Variants in MAGI2 observed in about 807,000 individuals in gnomAD.
The protein encoded by MAGI2 is membrane-associated guanylate kinase, WW and PDZ domain-containing protein 2.
MAGI2 carries 35 observed loss-of-function variants against 133.3 expected under a neutral mutation model. The ratio of observed to expected loss-of-function variants is 0.26; its 90% CI spans 0.20 to 0.35. The LOEUF (loss-of-function observed/expected upper bound fraction) is 0.35. Among genes scored for constraint, MAGI2 ranks in the 10% least tolerant of loss-of-function variants. The pLI is 1.00. For synonymous variants in MAGI2, 729 were observed against 710.6 expected (o/e 1.03, Z -0.41); for missense variants, 1,636 against 1,863.4 (o/e 0.88, Z 2.25).
intron 1 of MAGI2, among the ~76,000 whole-genome samples, chr7:79,442,304 A>G (rs569386048): frequency 6.6e-6 from 1 of 152,318 alleles, no homozygotes; most frequent in Non-Finnish European, 1.5e-5. Flanking sequence ...TTGATGGGTG[A>G]CTATGCAAGC....
intron 2 of MAGI2, among the ~76,000 whole-genome samples, chr7:78,949,859 T>C (rs1423187175): frequency 1.3e-5 from 2 of 152,190 alleles, no homozygotes; most frequent in Non-Finnish European, 1.5e-5. Context: ...GAAATCCATG[T>C]TGGCATTTGC....
Position 78,876,468 on chromosome 7 carries a change from T to TA in MAGI2, c.418+130621dup, listed in dbSNP as rs533179466. ...TCTAAGCCTAGCCTTCACTTGATTT[T>TA]AAAAAATCACACACACATTAACTTA... On this transcript the variant is annotated intron_variant, in intron 2 of 21. Transcript: ENST00000354212. 1.2e-4 allele frequency among the ~76,000 whole-genome samples: 19 copies of TA among 152,184 alleles called. No individual in the cohort carries two copies. The South Asian group carries it at 3.1e-3, about 25-fold the overall frequency.
At chr7:78,667,147 A>C (rs1371835538) in intron 2 of MAGI2, among the ~76,000 whole-genome samples, 1 of 152,064 alleles carries the variant, frequency 6.6e-6, no homozygotes, top group African/African-American at 2.4e-5. Flanking sequence ...CCTTCAAATA[A>C]ATACAATGTC....
chr7:79,413,705 G>A (rs1846296651), intron 1 of MAGI2: 1 of 151,758 alleles, frequency 6.6e-6, no homozygotes, highest in South Asian at 2.1e-4. Flanking sequence ...TGGTCTATAA[G>A]TTTCCCTGCT....
intron 1 of MAGI2, among the ~76,000 whole-genome samples, chr7:79,039,736 C>G (rs932979827): frequency 2.0e-5 from 3 of 151,144 alleles, no homozygotes; most frequent in Non-Finnish European, 1.5e-5. Context: ...AATCCGAGCA[C>G]TTTGGGAGGC....
intron 1 of MAGI2, among the ~76,000 whole-genome samples, chr7:79,122,286 T>C (rs1174254892): frequency 6.6e-6 from 1 of 152,188 alleles, no homozygotes; most frequent in Non-Finnish European, 1.5e-5. Flanking sequence ...GCCATACCTC[T>C]ACACATGTCT....
At chr7:78,050,620 C>G (rs1396794732) in intron 21 of MAGI2, among the ~76,000 whole-genome samples, 1 of 152,064 alleles carries the variant, frequency 6.6e-6, no homozygotes, top group Non-Finnish European at 1.5e-5. Flanking sequence ...GTTTGTTTCT[C>G]TCTCAGGTTT....
At chr7:79,099,687 T>C (rs1817806124) in intron 1 of MAGI2, among the ~76,000 whole-genome samples, 1 of 152,138 alleles carries the variant, frequency 6.6e-6, no homozygotes, top group South Asian at 2.1e-4. Context: ...CCATGTGTAC[T>C]TAATGTTTAG....
intron 2 of MAGI2, among the ~76,000 whole-genome samples, chr7:78,900,833 T>C (rs1042260885): frequency 1.3e-5 from 2 of 152,176 alleles, no homozygotes; most frequent in Non-Finnish European, 2.9e-5. Flanking sequence ...AATATGAATA[T>C]AGAGTGGGAA....
chr7:78,328,174 C>A (rs1225491458), intron 9 of MAGI2, among the ~76,000 whole-genome samples: 2 of 151,964 alleles, frequency 1.3e-5, no homozygotes, highest in Non-Finnish European at 2.9e-5. Flanking sequence ...GAGGAAATGG[C>A]AGGTGGTTAT....
At chr7:78,799,842 AC>A (rs1332956409) in intron 2 of MAGI2, among the ~76,000 whole-genome samples, 3 of 152,102 alleles carry the variant, frequency 2.0e-5, no homozygotes, top group African/African-American at 7.2e-5. Context: ...CTGTGGGATC[AC>A]CTTTTTTCCA....
At chr7:79,256,486 C>CTTTT (rs11303181) in intron 1 of MAGI2, among the ~76,000 whole-genome samples, 56 of 82,778 alleles carry the variant, frequency 6.8e-4, no homozygotes, top group East Asian at 1.1e-3. Context: ...CTCTCTCTCT[C>CTTTT]TTTTTTTTTT....
intron 6 of MAGI2, chr7:78,486,969 G>A: frequency 1.9e-6 from 1 of 526,620 alleles, no homozygotes; most frequent in South Asian, 1.4e-5. Context: ...ATGGCTGGCA[G>A]TGGAAATCCC....
At chr7:79,261,778 ACATCACTTAC>A (rs1276987921) in intron 1 of MAGI2, among the ~76,000 whole-genome samples, 1 of 152,214 alleles carries the variant, frequency 6.6e-6, no homozygotes. Context: ...TACTACATTA[ACATCACTTAC>A]CATCACTTAA....
At chr7:78,412,129 G>A (rs1240283276) in intron 6 of MAGI2, among the ~76,000 whole-genome samples, 5 of 152,040 alleles carry the variant, frequency 3.3e-5, no homozygotes, top group Non-Finnish European at 5.9e-5. Context: ...TGTTATCTAA[G>A]GAGATTCCTC....
At chr7:78,813,235 C>A (rs1789229889) in intron 2 of MAGI2, among the ~76,000 whole-genome samples, 1 of 152,124 alleles carries the variant, frequency 6.6e-6, no homozygotes. Context: ...ATAACAAAGT[C>A]ATAGTTCAAG....
At chr7:78,873,047 C>T (rs1298884804) in intron 2 of MAGI2, among the ~76,000 whole-genome samples, 1 of 152,018 alleles carries the variant, frequency 6.6e-6, no homozygotes, top group East Asian at 1.9e-4. Flanking sequence ...GAGAAATTTG[C>T]ATACATCAGA....
intron 9 of MAGI2, among the ~76,000 whole-genome samples, chr7:78,337,317 A>T (rs1789873236): frequency 6.6e-6 from 1 of 152,156 alleles, no homozygotes; most frequent in African/African-American, 2.4e-5. Context: ...TGGCTCAGTG[A>T]TTGTCAATAA....
chr7:78,257,242 A>C (rs903066011), intron 9 of MAGI2, among the ~76,000 whole-genome samples: 1 of 152,198 alleles, frequency 6.6e-6, no homozygotes, highest in Non-Finnish European at 1.5e-5. Flanking sequence ...ACAGTTCCTC[A>C]TTTGTAAAGT....
Sources: gnomAD v4.1 joint callset for allele counts (sites outside exome capture counted in the v4.1 genomes callset) on GRCh38, gnomAD v4.1.1 for gene constraint, MANE v1.5 for transcripts, NCBI Gene and HGNC (gene_info 2026-07-23, HGNC 2026-07-21) for gene names.